COPS2: variants seen among roughly 807,000 people sequenced by gnomAD.
The protein encoded by COPS2 is COP9 signalosome complex subunit 2.
In COPS2, 10 loss-of-function variants were observed where a neutral mutation model predicts 66.1. The observed-to-expected ratio is 0.15, with a 90% CI of 0.09 to 0.26. The LOEUF is 0.26. Ranked by LOEUF, COPS2 falls within the 10% of genes least tolerant of loss-of-function variation. The pLI is 1.00. For missense variants in COPS2, 215 were observed against 513.3 expected (o/e 0.42, Z 5.62); for synonymous variants, 179 against 171.3 (o/e 1.04, Z -0.35).
intron 7 of COPS2, 97 bp from the exon 8 acceptor site, chr15:49,134,205 C>T: frequency 7.1e-7 from 1 of 1,398,674 alleles, no homozygotes; most frequent in African/African-American, 1.4e-5. Flanking sequence ...ATTTCAGTGC[C>T]TTTCAGTTTT....
rs1015295790 is a variant in COPS2 at position 49,145,917 on chromosome 15, T to G, written c.55-839A>C. On this transcript the variant is annotated intron_variant, in intron 1 of 12. Transcript: ENST00000388901. ...GAGTCATAAGATATAGATTATTTCC[T>G]TCTCAGCTTTAAGTCATTACAAAGG... Among the ~76,000 whole-genome samples the G allele has an allele frequency of 2.6e-5, 4 of 152,140 alleles. No homozygotes were observed. The South Asian group carries it at 8.3e-4, about 31-fold the overall frequency.
At chr15:49,151,450 A>G (rs1483014239) in intron 1 of COPS2, among the ~76,000 whole-genome samples, 3 of 152,040 alleles carry the variant, frequency 2.0e-5, no homozygotes, top group African/African-American at 7.2e-5. Flanking sequence ...TACATATAAC[A>G]GGACTTACTA....
chr15:49,134,466 T>G lies in COPS2; in HGVS notation c.589A>C (p.Ile197Leu). The G allele has an allele frequency of 6.2e-7, 1 of 1,612,424 alleles. No individual in the cohort carries two copies. Among genetic ancestry groups the G allele is most frequent in the Non-Finnish European group, 8.5e-7 (1 of 1,179,688 alleles). The change falls in exon 7 of 13, where the codon ATA becomes CTA. Residue 197 changes from isoleucine (I) to leucine (L), a missense_variant. Around this residue, in one of 5 missense-constraint regions of COPS2, gnomAD observed 90 missense variants for 225.1 expected, o/e 0.40. Coordinates refer to ENST00000388901, the MANE Select transcript of COPS2 (RefSeq NM_004236.4). ...DLKKGTQLLE[I>L]YALEIQMYTA... Reference sequence around the variant, plus strand: ...TACATTTGAATTTCCAAAGCATATATTTCTAATAACTGTGTACCTTTTTTC... The same window carrying G: ...TACATTTGAATTTCCAAAGCATATAGTTCTAATAACTGTGTACCTTTTTTC...
intron 4 of COPS2, chr15:49,137,686 T>C (rs551682393): frequency 2.5e-6 from 1 of 396,608 alleles, no homozygotes; most frequent in African/African-American, 2.0e-5. Context: ...CATAGTGCTG[T>C]AAGTTCTCAT....
chr15:49,150,130 T>C (rs1346226301), intron 1 of COPS2, among the ~76,000 whole-genome samples: 1 of 149,720 alleles, frequency 6.7e-6, no homozygotes, highest in Admixed American at 6.7e-5. Flanking sequence ...TCTACTAAAA[T>C]ACAAAAAATT....
intron 10 of COPS2, among the ~76,000 whole-genome samples, chr15:49,130,037 C>T (rs116241557): frequency 0.018 from 2,666 of 152,166 alleles, 97 homozygotes; most frequent in African/African-American, 0.062. Flanking sequence ...TTTTCTATAT[C>T]TATAAACTGC....
At chr15:49,137,467 G>A in intron 4 of COPS2, 30 bp from the exon 5 acceptor site, 1 of 1,511,410 alleles carries the variant, frequency 6.6e-7, no homozygotes, top group Non-Finnish European at 9.2e-7. Flanking sequence ...TTCTATAATT[G>A]TAAACAGCAA....
chr15:49,152,666 A>C (rs2084371033), intron 1 of COPS2, among the ~76,000 whole-genome samples: 1 of 152,128 alleles, frequency 6.6e-6, no homozygotes, highest in African/African-American at 2.4e-5. Context: ...TAATAAAAAC[A>C]CAAAAAATTA....
rs2084153496 is a variant in COPS2, at chr15:49,124,952, C to T, written c.*2998G>A. ...CCATAGATTTAGACTGACACTGACACCACAAAAGCATACATACCTGTGTTT... is the reference window on the plus strand; with the variant it reads ...CCATAGATTTAGACTGACACTGACATCACAAAAGCATACATACCTGTGTTT... On this transcript the variant is annotated 3_prime_UTR_variant, in exon 13 of 13. Coordinates refer to ENST00000388901, the MANE Select transcript of COPS2 (RefSeq NM_004236.4). 1 of 152,102 alleles carries T rather than the reference C, an allele frequency of 6.6e-6. No homozygotes were observed. Among genetic ancestry groups the T allele is most frequent in the Admixed American group, 6.5e-5 (1 of 15,274 alleles). 9.4% of individuals were successfully genotyped at this position (152,102 alleles called of 1,614,324 possible). A position where few individuals can be genotyped will look rare whatever the true frequency, so the allele number is the denominator to read the frequency against.
chr15:49,154,553 A>G (rs2084396307), intron 1 of COPS2, among the ~76,000 whole-genome samples: 1 of 152,182 alleles, frequency 6.6e-6, no homozygotes, highest in South Asian at 2.1e-4. Flanking sequence ...CAAAACATCT[A>G]TTTCGTAACT....
chr15:49,155,598 A>T lies in COPS2; in HGVS notation c.-20T>A, dbSNP rs1186096177. 1.9e-6 allele frequency: 3 copies of T among 1,612,254 alleles called. No individual in the cohort carries two copies. The highest frequency in any genetic ancestry group is 2.5e-6 in the Non-Finnish European group (3 of 1,178,480). ...AGACATCTTGGCCGGGAGGGGGAGG[A>T]GAAATTGGAGACAACCTCCTCCCAC... On this transcript the variant is annotated 5_prime_UTR_variant, in exon 1 of 13. Transcript: ENST00000388901.
At chr15:49,154,738 A>C (rs2084400143) in intron 1 of COPS2, among the ~76,000 whole-genome samples, 1 of 152,194 alleles carries the variant, frequency 6.6e-6, no homozygotes, top group East Asian at 1.9e-4. Context: ...GAAGCTTTGA[A>C]TCTTTAAAAA....
chr15:49,138,941 T>C (rs1173555563), intron 4 of COPS2, among the ~76,000 whole-genome samples: 1 of 152,170 alleles, frequency 6.6e-6, no homozygotes, highest in East Asian at 1.9e-4. Flanking sequence ...TTAGCAAAAA[T>C]ATATATAAAA....
chr15:49,144,166 T>C (rs2084306897), intron 3 of COPS2, 61 bp downstream of exon 3: 7 of 1,020,578 alleles, frequency 6.9e-6, no homozygotes, highest in East Asian at 2.4e-5. Flanking sequence ...TAGTACTTTG[T>C]CGTGATGAGG....
At position 49,152,810 on chromosome 15, in the gene COPS2, G is replaced by A. The variant is rs144026831; in HGVS notation, c.54+2715C>T. ...TGCACTCCAGCCTGGGCAACAGAGT[G>A]AGACTCTGTTTCAAAAAAAAAAGTT... On this transcript the variant is annotated intron_variant, in intron 1 of 12. Coordinates refer to ENST00000388901, the MANE Select transcript of COPS2 (RefSeq NM_004236.4). 5.6e-3 allele frequency among the ~76,000 whole-genome samples: 851 copies of A among 152,074 alleles called. 6 individuals carry two copies. The highest frequency in any genetic ancestry group is 0.02 in the African/African-American group (809 of 41,486).
At chr15:49,144,893 C>T in intron 2 of COPS2, 72 bp downstream of exon 2, 1 of 796,134 alleles carries the variant, frequency 1.3e-6, no homozygotes, top group Non-Finnish European at 2.0e-6. Context: ...GATAAAATCA[C>T]CTGGGACTTA....
rs2084156640 is a variant in COPS2, at chr15:49,125,303, A to G, written c.*2647T>C. The G allele has an allele frequency of 1.3e-5, 2 of 152,172 alleles. No homozygotes were observed. Among genetic ancestry groups the G allele is most frequent in the South Asian group, 2.1e-4 (1 of 4,836 alleles). 9.4% of individuals were successfully genotyped at this position (152,172 alleles called of 1,614,324 possible). On this transcript the variant is annotated 3_prime_UTR_variant, in exon 13 of 13. Transcript: ENST00000388901. Reference sequence around the variant, plus strand: ...GATGTAGAGAAAAAGTATTTAATCAACAACTTTAATGTAAGAGCAAGAGTG... The same window carrying G: ...GATGTAGAGAAAAAGTATTTAATCAGCAACTTTAATGTAAGAGCAAGAGTG...
At chr15:49,153,919 T>A (rs977286601) in intron 1 of COPS2, among the ~76,000 whole-genome samples, 5 of 152,140 alleles carry the variant, frequency 3.3e-5, no homozygotes, top group African/African-American at 9.7e-5. Flanking sequence ...AGTTGGTTAA[T>A]GGTATGTACA....
chr15:49,151,270 G>A (rs2084358642), intron 1 of COPS2, among the ~76,000 whole-genome samples: 3 of 151,834 alleles, frequency 2.0e-5, no homozygotes, highest in Admixed American at 6.6e-5. Flanking sequence ...CATGGTGGTG[G>A]GTGCCTGTGG....
Sources: gnomAD v4.1 joint callset for allele counts (sites outside exome capture counted in the v4.1 genomes callset) on GRCh38, gnomAD v4.1.1 for gene constraint, gnomAD v4.1.1 regional missense constraint, MANE v1.5 for transcripts, NCBI Gene and HGNC (gene_info 2026-07-23, HGNC 2026-07-21) for gene names.